Variants in GPC6 observed in about 807,000 individuals in gnomAD.
GPC6 encodes glypican-6.
GPC6 carries 14 observed loss-of-function variants against 55.2 expected under a neutral mutation model. That is an observed-to-expected ratio of 0.25 (90% CI 0.17 to 0.40). GPC6 has a LOEUF of 0.40. Ranked by LOEUF, GPC6 falls within the 10% of genes least tolerant of loss-of-function variation. The pLI is 1.00. For missense variants in GPC6, 641 were observed against 708.5 expected, an observed-to-expected ratio of 0.90 and a Z score of 1.08; for synonymous variants, 278 against 259.6, an observed-to-expected ratio of 1.07 and a Z score of -0.68.
chr13:93,782,637 G>A (rs2138909503), intron 2 of GPC6, among the ~76,000 whole-genome samples: 3 of 152,174 alleles, frequency 2.0e-5, no homozygotes, highest in Middle Eastern at 6.8e-3. Context: ...CAAGTATGAA[G>A]CGATATCTCA....
the GPC6 span, among the ~76,000 whole-genome samples, chr13:93,221,716 C>A: frequency 6.6e-6 from 1 of 152,154 alleles, no homozygotes; most frequent in Non-Finnish European, 1.5e-5. Context: ...AACTCAGCAA[C>A]CTTCCCATTA....
chr13:93,928,382 T>C (rs1877969741), intron 3 of GPC6, among the ~76,000 whole-genome samples: 1 of 152,200 alleles, frequency 6.6e-6, no homozygotes, highest in African/African-American at 2.4e-5. Context: ...ATAGCTCTTT[T>C]TATGTAGCTT....
At chr13:93,441,063 A>G (rs1877778963) in intron 1 of GPC6, among the ~76,000 whole-genome samples, 1 of 152,146 alleles carries the variant, frequency 6.6e-6, no homozygotes, top group African/African-American at 2.4e-5. Flanking sequence ...CATGGTGTAT[A>G]TGTGCCACAT....
intron 2 of GPC6, among the ~76,000 whole-genome samples, chr13:93,553,850 A>T (rs28610130): frequency 6.0e-5 from 9 of 151,004 alleles, no homozygotes; most frequent in African/African-American, 2.2e-4. Context: ...GAGAGAGAGA[A>T]AGAGAGTTGG....
At chr13:94,227,634 G>A (rs917032537) in intron 4 of GPC6, among the ~76,000 whole-genome samples, 1 of 152,124 alleles carries the variant, frequency 6.6e-6, no homozygotes, top group African/African-American at 2.4e-5. Flanking sequence ...TTTTAAAAAT[G>A]ATTTTGTTCT....
At chr13:94,099,851 T>C (rs1223620818) in intron 4 of GPC6, among the ~76,000 whole-genome samples, 2 of 152,308 alleles carry the variant, frequency 1.3e-5, no homozygotes, top group East Asian at 3.9e-4. Context: ...GATTAAAGTA[T>C]GATTTTAAAT....
chr13:93,319,133 G>T (rs1879343163), intron 1 of GPC6, among the ~76,000 whole-genome samples: 1 of 152,126 alleles, frequency 6.6e-6, no homozygotes, highest in Non-Finnish European at 1.5e-5. Flanking sequence ...CTAATTTTCT[G>T]GAGAAACTGG....
chr13:93,241,633 A>G lies in GPC6; in HGVS notation c.160+14017A>G, dbSNP rs540819112. 8.4e-4 allele frequency among the ~76,000 whole-genome samples: 128 copies of G among 152,202 alleles called. No homozygotes were observed. The Middle Eastern group carries it at 0.01, about 12-fold the overall frequency. On this transcript the variant is annotated intron_variant, in intron 1 of 8. Coordinates refer to ENST00000377047, the MANE Select transcript of GPC6 (RefSeq NM_005708.5). ...GATCTCATTCAGAAACTTTATGATC[A>G]ATATTTTGAATTCTTTATCTGGTAT...
chr13:93,460,502 G>T (rs2139313959), intron 1 of GPC6, among the ~76,000 whole-genome samples: 1 of 152,272 alleles, frequency 6.6e-6, no homozygotes, highest in African/African-American at 2.4e-5. Context: ...TGTATTTAAT[G>T]ATGATGACGA....
rs572536534 is a variant in GPC6 at position 94,315,151 on chromosome 13, A to G, written c.1152+9028A>G. ...AAATAAAAAGTCAGGTTGATAGTCA[A>G]TGAATGAACCACCACCAGCAGCAGC... On this transcript the variant is annotated intron_variant, in intron 6 of 8. Coordinates refer to ENST00000377047, the MANE Select transcript of GPC6 (RefSeq NM_005708.5). Among the ~76,000 whole-genome samples, 12 of 152,360 alleles carry G rather than the reference A, an allele frequency of 7.9e-5. No homozygotes were observed. In the East Asian group the frequency reaches 1.3e-3, roughly 17 times the overall value.
At chr13:93,348,564 G>A (rs1390051061) in intron 1 of GPC6, among the ~76,000 whole-genome samples, 1 of 152,160 alleles carries the variant, frequency 6.6e-6, no homozygotes, top group Admixed American at 6.5e-5. Flanking sequence ...CCACATTAGT[G>A]TTGTTCACAT....
intron 1 of GPC6, among the ~76,000 whole-genome samples, chr13:93,522,313 C>T (rs567468782): frequency 2.0e-5 from 3 of 152,056 alleles, no homozygotes; most frequent in African/African-American, 4.8e-5. Context: ...CCAATCTCAC[C>T]CCATTCCGAT....
intron 2 of GPC6, among the ~76,000 whole-genome samples, chr13:93,643,746 T>C (rs1292723814): frequency 1.3e-5 from 2 of 152,068 alleles, no homozygotes; most frequent in East Asian, 1.9e-4. Flanking sequence ...TATCTGCTGG[T>C]TTTTTAGTCT....
At chr13:93,634,841 A>AG (rs1437423738) in intron 2 of GPC6, among the ~76,000 whole-genome samples, 1 of 152,130 alleles carries the variant, frequency 6.6e-6, no homozygotes, top group Non-Finnish European at 1.5e-5. Context: ...AGCAAGTGTG[A>AG]GGGTGTGAGT....
intron 1 of GPC6, among the ~76,000 whole-genome samples, chr13:93,393,133 G>T (rs2762121): frequency 0.11 from 9,035 of 85,824 alleles, 219 homozygotes; most frequent in Admixed American, 0.12. Flanking sequence ...TATATAGAGA[G>T]AGAGAGAGAG....
intron 3 of GPC6, 67 bp downstream of exon 3, chr13:93,830,612 TAAAAAAAAAAAA>T (rs369020255): frequency 5.5e-5 from 18 of 326,450 alleles, no homozygotes; most frequent in South Asian, 2.4e-4. Flanking sequence ...AACCAATGTT[TAAAAAAAAAAAA>T]AAAAAAAAAA....
Position 93,889,298 on chromosome 13 carries a change from T to A in GPC6, c.711+58753T>A, listed in dbSNP as rs544325906. Among the ~76,000 whole-genome samples, 16 of 152,226 alleles carry A rather than the reference T, an allele frequency of 1.1e-4. No homozygotes were observed. In the South Asian group the frequency reaches 3.3e-3, roughly 32 times the overall value. ...TAATCAGGAGGCCTGGAGGTATATA[T>A]AGTTTTTTTCCCCAAACGATTTTAA... On this transcript the variant is annotated intron_variant, in intron 3 of 8. Transcript: ENST00000377047.
At chr13:93,455,957 C>T (rs976260847) in intron 1 of GPC6, among the ~76,000 whole-genome samples, 7 of 152,138 alleles carry the variant, frequency 4.6e-5, no homozygotes, top group African/African-American at 1.2e-4. Flanking sequence ...TCTTTATTTA[C>T]TAGGCCAACT....
intron 3 of GPC6, among the ~76,000 whole-genome samples, chr13:93,838,663 A>T (rs1235205842): frequency 2.0e-5 from 3 of 152,194 alleles, no homozygotes; most frequent in Admixed American, 6.5e-5. Flanking sequence ...AAGGAGACAC[A>T]CTGATGGCAG....
Sources: gnomAD v4.1 joint callset for allele counts (sites outside exome capture counted in the v4.1 genomes callset) on GRCh38, gnomAD v4.1.1 for gene constraint, MANE v1.5 for transcripts, NCBI Gene and HGNC (gene_info 2026-07-23, HGNC 2026-07-21) for gene names.